CAMK1D: variants seen among roughly 807,000 people sequenced by gnomAD.
The protein encoded by CAMK1D is calcium/calmodulin dependent protein kinase ID, also known as calcium/calmodulin-dependent protein kinase type 1D.
CAMK1D carries 9 observed loss-of-function variants against 47.7 expected under a neutral mutation model. The observed-to-expected ratio is 0.19, with a 90% confidence interval of 0.11 to 0.33. CAMK1D has a LOEUF of 0.33. Ranked by LOEUF, CAMK1D falls within the 10% of genes least tolerant of loss-of-function variation. The pLI is 1.00. For missense variants in CAMK1D, 291 were observed against 488.7 expected (o/e 0.60, Z 3.81); for synonymous variants, 184 against 184.9 (o/e 0.99, Z 0.04).
intron 1 of CAMK1D, among the ~76,000 whole-genome samples, chr10:12,438,792 C>T (rs1186616083): frequency 6.6e-6 from 1 of 152,222 alleles, no homozygotes; most frequent in Non-Finnish European, 1.5e-5. Flanking sequence ...CTTTGCTTTT[C>T]TTCCCTGCCT....
At chr10:12,649,389 G>A (rs1338961105) in intron 2 of CAMK1D, among the ~76,000 whole-genome samples, 1 of 152,208 alleles carries the variant, frequency 6.6e-6, no homozygotes, top group East Asian at 1.9e-4. Context: ...GTGTGCTGGG[G>A]GGAGCCCATG....
intron 3 of CAMK1D, among the ~76,000 whole-genome samples, chr10:12,682,909 A>T (rs1396505866): frequency 6.6e-6 from 1 of 151,846 alleles, no homozygotes; most frequent in African/African-American, 2.4e-5. Flanking sequence ...TATTTTTAAA[A>T]ATAGTGATTA....
intron 2 of CAMK1D, among the ~76,000 whole-genome samples, chr10:12,638,579 C>G (rs1839577904): frequency 6.6e-6 from 1 of 152,164 alleles, no homozygotes; most frequent in Non-Finnish European, 1.5e-5. Flanking sequence ...CCCTGGCCAG[C>G]CTCCCCCTTT....
chr10:12,755,251 T>G (rs1836176207), intron 3 of CAMK1D, among the ~76,000 whole-genome samples: 1 of 152,146 alleles, frequency 6.6e-6, no homozygotes, highest in South Asian at 2.1e-4. Flanking sequence ...GCAGGGAGTG[T>G]GTGTAGGTGG....
At chr10:12,715,673 C>T (rs1007801577) in intron 3 of CAMK1D, among the ~76,000 whole-genome samples, 7 of 147,916 alleles carry the variant, frequency 4.7e-5, no homozygotes, top group Non-Finnish European at 1.0e-4. Context: ...TTGATAACCA[C>T]AATCAGATTA....
At position 12,422,637 on chromosome 10, in the gene CAMK1D, G is replaced by T. The variant is rs200840550; in HGVS notation, c.92+72727G>T. ...GGCTTATGGAAGTGTTTGAGAGTCT[G>T]AGCTCTCTTTGGGAAATATGTGGGT... On this transcript the variant is annotated intron_variant, in intron 1 of 10. Coordinates refer to ENST00000619168, the MANE Select transcript of CAMK1D (RefSeq NM_153498.4). Among the ~76,000 whole-genome samples the T allele has an allele frequency of 2.6e-5, 4 of 152,034 alleles. No homozygotes were observed. The East Asian group carries it at 7.7e-4, about 29-fold the overall frequency.
At chr10:12,375,354 T>C (rs1447075671) in intron 1 of CAMK1D, among the ~76,000 whole-genome samples, 1 of 152,228 alleles carries the variant, frequency 6.6e-6, no homozygotes, top group Non-Finnish European at 1.5e-5. Flanking sequence ...CACTATTTTC[T>C]TCCTCTGGAT....
intron 4 of CAMK1D, among the ~76,000 whole-genome samples, chr10:12,765,386 G>A (rs1334899912): frequency 6.6e-6 from 1 of 151,980 alleles, no homozygotes; most frequent in Non-Finnish European, 1.5e-5. Flanking sequence ...GAGAGGGGAG[G>A]GGGTAGTGGA....
At chr10:12,557,921 A>G (rs934749230) in intron 2 of CAMK1D, among the ~76,000 whole-genome samples, 5 of 152,204 alleles carry the variant, frequency 3.3e-5, no homozygotes, top group Admixed American at 1.3e-4. Context: ...ACATGTCCTT[A>G]AGGATGTCTT....
intron 1 of CAMK1D, among the ~76,000 whole-genome samples, chr10:12,529,638 T>C (rs948843356): frequency 1.3e-5 from 2 of 152,296 alleles, no homozygotes; most frequent in South Asian, 2.1e-4. Flanking sequence ...TCTAAGGTCA[T>C]AGAGACGAGC....
At chr10:12,750,497 C>T (rs922230218) in intron 3 of CAMK1D, among the ~76,000 whole-genome samples, 2 of 152,176 alleles carry the variant, frequency 1.3e-5, no homozygotes, top group Non-Finnish European at 2.9e-5. Flanking sequence ...CCAGGTGGGA[C>T]AGCCATTCCC....
At chr10:12,462,323 G>A (rs1735286989) in intron 1 of CAMK1D, among the ~76,000 whole-genome samples, 3 of 151,786 alleles carry the variant, frequency 2.0e-5, no homozygotes, top group Non-Finnish European at 2.9e-5. Context: ...GCGCCACCGT[G>A]GCCAGCTAAT....
At chr10:12,458,947 C>T (rs1294864773) in intron 1 of CAMK1D, among the ~76,000 whole-genome samples, 2 of 147,938 alleles carry the variant, frequency 1.4e-5, no homozygotes, top group Non-Finnish European at 3.0e-5. Context: ...GGTGTGAGCT[C>T]GGCTTACTGC....
chr10:12,710,258 G>A (rs1031889836), intron 3 of CAMK1D, among the ~76,000 whole-genome samples: 8 of 152,168 alleles, frequency 5.3e-5, no homozygotes, highest in African/African-American at 1.9e-4. Flanking sequence ...GGGCACAACA[G>A]CTGGATCCCG....
chr10:12,800,446 G>A (rs567395274), intron 6 of CAMK1D, among the ~76,000 whole-genome samples: 1 of 152,312 alleles, frequency 6.6e-6, no homozygotes, highest in Admixed American at 6.5e-5. Flanking sequence ...ATAAACATAT[G>A]TTAAATACTG....
intron 1 of CAMK1D, among the ~76,000 whole-genome samples, chr10:12,507,822 G>A (rs1834922986): frequency 6.6e-6 from 1 of 152,112 alleles, no homozygotes; most frequent in African/African-American, 2.4e-5. Context: ...TCTGTCTCCA[G>A]TGGCAGGGAA....
chr10:12,791,294 A>C (rs372735644), intron 6 of CAMK1D, 61 bp downstream of exon 6: 18 of 1,458,770 alleles, frequency 1.2e-5, no homozygotes, highest in Non-Finnish European at 1.5e-5. Context: ...TTGGTGAAAT[A>C]TACATGAAAC....
At chr10:12,776,523 G>A (rs968614393) in intron 5 of CAMK1D, among the ~76,000 whole-genome samples, 6 of 152,196 alleles carry the variant, frequency 3.9e-5, no homozygotes. Context: ...GCTCCTAAGG[G>A]AAACACAGGC....
chr10:12,370,600 G>A (rs748709350), intron 1 of CAMK1D, among the ~76,000 whole-genome samples: 75 of 152,056 alleles, frequency 4.9e-4, no homozygotes, highest in Non-Finnish European at 2.9e-4. Flanking sequence ...CTACGCTAAT[G>A]TGTGTGTTTG....
Sources: gnomAD v4.1 joint callset for allele counts (sites outside exome capture counted in the v4.1 genomes callset) on GRCh38, gnomAD v4.1.1 for gene constraint, MANE v1.5 for transcripts, NCBI Gene and HGNC (gene_info 2026-07-23, HGNC 2026-07-21) for gene names.